The following CERS5 variants were observed in gnomAD, a reference collection of about 807,000 sequenced individuals.
CERS5 encodes the protein ceramide synthase 5.
Under a neutral mutation model 58.9 loss-of-function variants are expected in CERS5, and 37 were observed. The ratio of observed to expected loss-of-function variants is 0.63; its 90% CI spans 0.48 to 0.83. The LOEUF (loss-of-function observed/expected upper bound fraction) is 0.83. Ranked by LOEUF, CERS5 falls within the 40% of genes least tolerant of loss-of-function variation. The pLI, the probability that CERS5 is intolerant of heterozygous loss-of-function variation, is 0.00. For missense variants in CERS5, 398 were observed against 489.3 expected, an observed-to-expected ratio of 0.81 and a Z score of 1.76; for synonymous variants, 147 against 177.8, an observed-to-expected ratio of 0.83 and a Z score of 1.38.
intron 1 of CERS5, among the ~76,000 whole-genome samples, chr12:50,162,222 G>A: frequency 7.0e-6 from 1 of 143,096 alleles, no homozygotes; most frequent in South Asian, 2.2e-4. Context: ...TATATGAAGT[G>A]TGTAACAGGA....
At chr12:50,146,342 T>G (rs1403547154) in intron 1 of CERS5, among the ~76,000 whole-genome samples, 1 of 152,232 alleles carries the variant, frequency 6.6e-6, no homozygotes, top group East Asian at 1.9e-4. Context: ...TACTCTCTGG[T>G]ACCTCCAGCA....
At chr12:50,135,675 G>A in intron 8 of CERS5, 57 bp downstream of exon 8, 1 of 1,242,308 alleles carries the variant, frequency 8.0e-7, no homozygotes, top group Non-Finnish European at 1.2e-6. Flanking sequence ...AATGAGAATT[G>A]GCAAAAAGGT....
At chr12:50,164,726 G>A (rs1939677937) in intron 1 of CERS5, among the ~76,000 whole-genome samples, 1 of 152,086 alleles carries the variant, frequency 6.6e-6, no homozygotes, top group Non-Finnish European at 1.5e-5. Flanking sequence ...AATTCCCACA[G>A]GTAAAGGATC....
Position 50,134,684 on chromosome 12 carries a change from G to T in CERS5, c.891C>A (p.Leu297=). The change falls in exon 9 of 10, where the codon CTC becomes CTA. Residue 297 remains leucine, a synonymous_variant. Transcript: ENST00000317551. ...GCCCGATTATCTCCCAACTCTCAAA[G>T]AGGGTCGTGTTCAGAATCCTAGAAG... The part of the protein sequence containing the change: ...IYPFWILNTT[L]FESWEIIGPY... The T allele has an allele frequency of 6.2e-7, 1 of 1,614,012 alleles. No individual in the cohort carries two copies. Among genetic ancestry groups the T allele is most frequent in the Non-Finnish European group, 8.5e-7 (1 of 1,179,950 alleles).
rs1252508724 is a variant in CERS5, at chr12:50,130,311, A to AGTGTTTGTT, written c.*233_*234insAACAAACAC. ...GAAACTCACGCATATGCACAAACGC[A>AGTGTTTGTT]CATCAACAAACACACAAAAACACAC... On this transcript the variant is annotated 3_prime_UTR_variant, in exon 10 of 10. Transcript: ENST00000317551. The AGTGTTTGTT allele has an allele frequency of 2.6e-6, 1 of 390,684 alleles. No homozygotes were observed. Among genetic ancestry groups the AGTGTTTGTT allele is most frequent in the African/African-American group, 2.1e-5 (1 of 48,710 alleles). The allele number at this position is 390,684 out of a possible 1,614,324, so 24.2% of individuals were successfully genotyped here. A position where few individuals can be genotyped will look rare whatever the true frequency, so the allele number is the denominator to read the frequency against.
chr12:50,151,771 G>A (rs1209577563), intron 1 of CERS5, among the ~76,000 whole-genome samples: 2 of 152,068 alleles, frequency 1.3e-5, no homozygotes, highest in Non-Finnish European at 2.9e-5. Flanking sequence ...TCAGCCTCCC[G>A]AGTAGCTGGG....
Position 50,166,362 on chromosome 12 carries a change from G to A in CERS5, c.197+739C>T, listed in dbSNP as rs533613236. On this transcript the variant is annotated intron_variant, in intron 1 of 9. Transcript: ENST00000317551. ...AAAAAAAGAAAAGAAAAAAGAATCT[G>A]GCTCAATATAGCTGTCCTCTGATAA... 3 of 168,192 alleles carry A rather than the reference G, an allele frequency of 1.8e-5. No individual in the cohort carries two copies. In the South Asian group the frequency reaches 3.8e-4, roughly 21 times the overall value. The allele number at this position is 168,192 out of a possible 1,614,324, so 10.4% of individuals were successfully genotyped here.
intron 1 of CERS5, among the ~76,000 whole-genome samples, chr12:50,152,005 A>C (rs1266394482): frequency 6.6e-6 from 1 of 152,098 alleles, no homozygotes; most frequent in Admixed American, 6.6e-5. Flanking sequence ...TCTCCTTTGC[A>C]GTTTATTTTT....
At chr12:50,162,123 G>T (rs1286699988) in intron 1 of CERS5, among the ~76,000 whole-genome samples, 1 of 149,706 alleles carries the variant, frequency 6.7e-6, no homozygotes, top group Non-Finnish European at 1.5e-5. Context: ...TAATCCACCT[G>T]CCTTGGCCTC....
chr12:50,145,551 T>C (rs887292799), intron 1 of CERS5, among the ~76,000 whole-genome samples: 2 of 152,118 alleles, frequency 1.3e-5, no homozygotes, highest in African/African-American at 4.8e-5. Context: ...AGAAACTTTA[T>C]CTCCCTCTAT....
At position 50,167,039 on chromosome 12, in the gene CERS5, C is replaced by A. The variant is rs1939981494; in HGVS notation, c.197+62G>T. The A allele has an allele frequency of 3.8e-6, 5 of 1,319,404 alleles. No individual in the cohort carries two copies. The Admixed American group carries it at 1.3e-4, about 35-fold the overall frequency. 81.7% of individuals were successfully genotyped at this position (1,319,404 alleles called of 1,614,324 possible). A position where few individuals can be genotyped will look rare whatever the true frequency, so the allele number is the denominator to read the frequency against. On this transcript the variant is annotated intron_variant, in intron 1 of 9. Coordinates refer to ENST00000317551, the MANE Select transcript of CERS5 (RefSeq NM_147190.5). ...GTTCTGCTTCCGGCCCTCGGCCCTT[C>A]CCACAGCGGGGCGCCCCCGGCCCGC...
At chr12:50,143,459 T>G in intron 2 of CERS5, 1 of 351,098 alleles carries the variant, frequency 2.8e-6, no homozygotes, top group Non-Finnish European at 5.1e-6. Flanking sequence ...AAAACCCAAA[T>G]TGCAGGCCAG....
chr12:50,134,104 G>A (rs1452804939), intron 9 of CERS5: 1 of 161,750 alleles, frequency 6.2e-6, no homozygotes, highest in African/African-American at 2.6e-5. Flanking sequence ...AAACAGGCTT[G>A]GTGTGGTGGC....
intron 4 of CERS5, among the ~76,000 whole-genome samples, chr12:50,138,848 A>G (rs1951825556): frequency 6.6e-6 from 1 of 152,240 alleles, no homozygotes; most frequent in Non-Finnish European, 1.5e-5. Context: ...TGAGAGCTTT[A>G]GGCTAGTTTT....
At position 50,137,699 on chromosome 12, in the gene CERS5, T is replaced by C. The variant is rs760914801; in HGVS notation, c.636+29A>G. 5 of 1,206,456 alleles carry C rather than the reference T, an allele frequency of 4.1e-6. No homozygotes were observed. The Admixed American group carries it at 9.2e-5, about 22-fold the overall frequency. 74.7% of individuals were successfully genotyped at this position (1,206,456 alleles called of 1,614,324 possible). A position where few individuals can be genotyped will look rare whatever the true frequency, so the allele number is the denominator to read the frequency against. ...TGCTAGAAAGGAGGATGTAATAAGT[T>C]GGGGAATTGAGGGAGCCAACGTCCT... On this transcript the variant is annotated intron_variant, in intron 6 of 9. Transcript: ENST00000317551.
chr12:50,158,266 A>G (rs1938880961), intron 1 of CERS5, among the ~76,000 whole-genome samples: 1 of 152,184 alleles, frequency 6.6e-6, no homozygotes, highest in South Asian at 2.1e-4. Flanking sequence ...ATGGATAATT[A>G]TACAACTTAA....
In CERS5 at chr12:50,129,301, T is replaced by A. The variant is rs1226387183; in HGVS notation, c.*1244A>T. ...AATGAGTCATGTGTTAGTTATTATTTTTATTATTGTTTTATCCAATTGCAT... is the reference window on the plus strand; with the variant it reads ...AATGAGTCATGTGTTAGTTATTATTATTATTATTGTTTTATCCAATTGCAT... On this transcript the variant is annotated 3_prime_UTR_variant, in exon 10 of 10. Coordinates refer to ENST00000317551, the MANE Select transcript of CERS5 (RefSeq NM_147190.5). The A allele has an allele frequency of 6.6e-6, 1 of 152,186 alleles. No homozygotes were observed. The highest frequency in any genetic ancestry group is 1.5e-5 in the Non-Finnish European group (1 of 68,034). The allele number at this position is 152,186 out of a possible 1,614,324, so 9.4% of individuals were successfully genotyped here.
chr12:50,145,473 G>A (rs983490363), intron 1 of CERS5, among the ~76,000 whole-genome samples: 1 of 152,032 alleles, frequency 6.6e-6, no homozygotes, highest in African/African-American at 2.4e-5. Flanking sequence ...ATGGAGTGCC[G>A]TTAACCTATT....
intron 2 of CERS5, 169 bp from the exon 3 acceptor site, chr12:50,143,373 C>G (rs1327280967): frequency 7.2e-6 from 5 of 691,706 alleles, no homozygotes; most frequent in Non-Finnish European, 1.2e-5. Context: ...TCTTACATAT[C>G]AAGGACCTGT....
Sources: gnomAD v4.1 joint callset for allele counts (sites outside exome capture counted in the v4.1 genomes callset) on GRCh38, gnomAD v4.1.1 for gene constraint, MANE v1.5 for transcripts, NCBI Gene and HGNC (gene_info 2026-07-23, HGNC 2026-07-21) for gene names.